Variants in MGAT4C observed in about 807,000 individuals in gnomAD.
MGAT4C encodes the protein alpha-1,3-mannosyl-glycoprotein 4-beta-N-acetylglucosaminyltransferase C.
A neutral mutation model predicts 40.1 loss-of-function variants in MGAT4C; 19 were observed. The ratio of observed to expected loss-of-function variants is 0.47; its 90% CI spans 0.33 to 0.70. The LOEUF (loss-of-function observed/expected upper bound fraction) is 0.70, where lower values mean the gene tolerates loss of function less well. Ranked by LOEUF, MGAT4C falls within the 30% of genes least tolerant of loss-of-function variation. The probability of loss-of-function intolerance (pLI) is 0.02; values close to 1 mark genes in which losing one functional copy is unlikely to be tolerated. For synonymous variants in MGAT4C, 181 were observed against 187.1 expected, an observed-to-expected ratio of 0.97 and a Z score of 0.27; for missense variants, 491 against 563.2, an observed-to-expected ratio of 0.87 and a Z score of 1.30.
chr12:86,748,467 T>C (rs765879096), intron 1 of MGAT4C, among the ~76,000 whole-genome samples: 16 of 151,696 alleles, frequency 1.1e-4, no homozygotes, highest in Admixed American at 7.9e-4. Flanking sequence ...TGCAAACCTA[T>C]TCAAGGATAA....
intron 1 of MGAT4C, among the ~76,000 whole-genome samples, chr12:86,729,505 T>C (rs1487985848): frequency 6.6e-6 from 1 of 152,114 alleles, no homozygotes; most frequent in Non-Finnish European, 1.5e-5. Context: ...CTAAAGATTT[T>C]CCTAGGTTGA....
chr12:85,983,523 G>T lies in MGAT4C; in HGVS notation c.295C>A (p.Arg99=). The T allele has an allele frequency of 1.3e-6, 2 of 1,543,574 alleles. 1 individual carries two copies. Among genetic ancestry groups the T allele is most frequent in the South Asian group, 2.5e-5 (2 of 79,120 alleles). Residue 99 remains arginine, a splice_region_variant and synonymous_variant, in exon 4 of 5, where the codon CGG becomes AGG. Coordinates refer to ENST00000611864, the MANE Select transcript of MGAT4C (RefSeq NM_001351288.2). ...YLAATPLQRK[R]YLTIGLSSVK... ...TATTTAAATGTTTAAGGATACTTAC[G>T]CTTTCTTTGTAAAGGTGTGGCAGCT...
At chr12:86,450,868 G>A (rs1474472233) in intron 2 of MGAT4C, among the ~76,000 whole-genome samples, 2 of 152,050 alleles carry the variant, frequency 1.3e-5, no homozygotes, top group African/African-American at 4.8e-5. Context: ...GTGTGCACAT[G>A]TATACATTTA....
chr12:86,342,739 A>G (rs1191251107), intron 3 of MGAT4C, among the ~76,000 whole-genome samples: 2 of 152,008 alleles, frequency 1.3e-5, no homozygotes, highest in South Asian at 2.1e-4. Flanking sequence ...GCTCCCAGCC[A>G]TGGTTTTTTT....
intron 1 of MGAT4C, among the ~76,000 whole-genome samples, chr12:86,143,427 T>G (rs1883116466): frequency 6.6e-6 from 1 of 152,118 alleles, no homozygotes; most frequent in Non-Finnish European, 1.5e-5. Flanking sequence ...GAGGAGATTG[T>G]CATGCAGAAA....
At chr12:86,307,946 G>T (rs1345149517) in intron 4 of MGAT4C, among the ~76,000 whole-genome samples, 1 of 150,418 alleles carries the variant, frequency 6.6e-6, no homozygotes, top group Non-Finnish European at 1.5e-5. Flanking sequence ...CTCGTGATCC[G>T]CCCGTCTCGG....
intron 2 of MGAT4C, among the ~76,000 whole-genome samples, chr12:86,540,816 T>A (rs1439628588): frequency 6.6e-6 from 1 of 152,196 alleles, no homozygotes; most frequent in Non-Finnish European, 1.5e-5. Flanking sequence ...ATTTTTAAAT[T>A]TTGAATGATT....
intron 1 of MGAT4C, among the ~76,000 whole-genome samples, chr12:86,147,141 A>C (rs772948844): frequency 2.0e-5 from 3 of 152,194 alleles, no homozygotes; most frequent in Non-Finnish European, 4.4e-5. Context: ...CTAGAAGGGC[A>C]TGCATGTGTT....
intron 3 of MGAT4C, among the ~76,000 whole-genome samples, chr12:86,379,665 A>T (rs972618797): frequency 5.9e-5 from 9 of 152,146 alleles, no homozygotes; most frequent in Admixed American, 3.9e-4. Flanking sequence ...ATTACATTCT[A>T]TATAAAACAA....
chr12:86,255,826 C>A (rs1249883532), intron 1 of MGAT4C, among the ~76,000 whole-genome samples: 1 of 152,074 alleles, frequency 6.6e-6, no homozygotes, highest in Non-Finnish European at 1.5e-5. Flanking sequence ...CAATTAGAAA[C>A]TTTGACTCAT....
chr12:85,974,226 G>C lies in MGAT4C; in HGVS notation c.*5063C>G, dbSNP rs1883792947. The C allele has an allele frequency of 6.6e-6, 1 of 150,814 alleles. No individual in the cohort carries two copies. Among genetic ancestry groups the C allele is most frequent in the Non-Finnish European group, 1.5e-5 (1 of 67,096 alleles). The allele number at this position is 150,814 out of a possible 1,614,324, so 9.3% of individuals were successfully genotyped here. A position where few individuals can be genotyped will look rare whatever the true frequency, so the allele number is the denominator to read the frequency against. On this transcript the variant is annotated 3_prime_UTR_variant, in exon 5 of 5. Transcript: ENST00000611864. Reference sequence around the variant, plus strand: ...AAAAGGATGCACAAAGATCTCTAATGTGCTGTGATTTTCAAAGGATGTCAT... The same window carrying C: ...AAAAGGATGCACAAAGATCTCTAATCTGCTGTGATTTTCAAAGGATGTCAT...
intron 2 of MGAT4C, among the ~76,000 whole-genome samples, chr12:86,456,848 T>C (rs1414708186): frequency 6.6e-6 from 1 of 152,110 alleles, no homozygotes; most frequent in East Asian, 1.9e-4. Flanking sequence ...CTCTCTATCT[T>C]ACATCCTGTC....
chr12:86,117,894 G>A (rs1878700115), intron 1 of MGAT4C, among the ~76,000 whole-genome samples: 1 of 152,150 alleles, frequency 6.6e-6, no homozygotes, highest in Admixed American at 6.6e-5. Context: ...AATCTGTGGT[G>A]ATGACTAATG....
intron 1 of MGAT4C, among the ~76,000 whole-genome samples, chr12:86,768,681 T>C (rs1157589768): frequency 2.6e-5 from 4 of 152,042 alleles, no homozygotes; most frequent in Non-Finnish European, 2.9e-5. Context: ...TATAGATCAA[T>C]GGAACAGAAT....
chr12:86,313,070 G>A (rs1954119667), intron 4 of MGAT4C, among the ~76,000 whole-genome samples: 1 of 152,120 alleles, frequency 6.6e-6, no homozygotes, highest in South Asian at 2.1e-4. Context: ...TACAGTGGTG[G>A]CTAATGTCTA....
At chr12:86,213,659 T>C (rs1425287388) in intron 1 of MGAT4C, among the ~76,000 whole-genome samples, 1 of 152,240 alleles carries the variant, frequency 6.6e-6, no homozygotes, top group Non-Finnish European at 1.5e-5. Context: ...ATCAGCATGC[T>C]AGCCATTTTT....
At chr12:86,743,116 ATG>A (rs60215418) in intron 1 of MGAT4C, among the ~76,000 whole-genome samples, 43,254 of 144,090 alleles carry the variant, frequency 0.3, 6,249 homozygotes, top group South Asian at 0.33. Context: ...GTGTGTATGC[ATG>A]TGTGTGTGTG....
chr12:86,430,683 G>A (rs1220522137), intron 3 of MGAT4C, among the ~76,000 whole-genome samples: 1 of 152,176 alleles, frequency 6.6e-6, no homozygotes, highest in Non-Finnish European at 1.5e-5. Context: ...AAGTTGGGCA[G>A]GGCTGGAGGC....
intron 2 of MGAT4C, among the ~76,000 whole-genome samples, chr12:86,605,977 C>G (rs1019322356): frequency 2.0e-5 from 3 of 152,024 alleles, no homozygotes; most frequent in African/African-American, 4.8e-5. Flanking sequence ...GCTGGAGAGG[C>G]CTTAGAAAGC....
Sources: allele counts gnomAD v4.1 joint callset (sites outside exome capture counted in the v4.1 genomes callset), GRCh38; gene constraint gnomAD v4.1.1; transcripts MANE v1.5; gene names NCBI Gene and HGNC (gene_info 2026-07-23, HGNC 2026-07-21).